RAB11A: variants seen among roughly 807,000 people sequenced by gnomAD.
The protein encoded by RAB11A is ras-related protein Rab-11A.
RAB11A carries 9 observed loss-of-function variants against 28.0 expected under a neutral mutation model. That is an observed-to-expected ratio of 0.32 (90% CI 0.19 to 0.56). The LOEUF is 0.56. RAB11A is among the 20% of genes least tolerant of loss of function. The pLI is 0.91. For missense variants in RAB11A, 108 were observed against 269.6 expected, an observed-to-expected ratio of 0.40 and a Z score of 4.20; for synonymous variants, 85 against 88.2, an observed-to-expected ratio of 0.96 and a Z score of 0.20.
intron 3 of RAB11A, 135 bp from the exon 4 acceptor site, chr15:65,879,536 G>T: frequency 3.4e-6 from 2 of 586,172 alleles, no homozygotes; most frequent in Non-Finnish European, 6.0e-6. Context: ...AAACAGAATG[G>T]TGCCCTTACT....
chr15:65,870,251 T>C (rs910036223), intron 1 of RAB11A, among the ~76,000 whole-genome samples: 1 of 152,180 alleles, frequency 6.6e-6, no homozygotes, highest in African/African-American at 2.4e-5. Context: ...CCCGCGGTTC[T>C]CGCGGTCCTT....
At position 65,888,107 on chromosome 15, in the gene RAB11A, G is replaced by T; in HGVS notation, c.*267G>T. On this transcript the variant is annotated 3_prime_UTR_variant, in exon 5 of 5. Coordinates refer to ENST00000261890, the MANE Select transcript of RAB11A (RefSeq NM_004663.5). ...TCAGTTATTGTTTACTTTTCATCAT[G>T]GAAGCCTGTCACTGTATGTAGGACA... 3.1e-6 allele frequency: 1 copy of T among 321,150 alleles called. No individual in the cohort carries two copies. Among genetic ancestry groups the T allele is most frequent in the South Asian group, 7.0e-5 (1 of 14,262 alleles). The allele number at this position is 321,150 out of a possible 1,614,324, so 19.9% of individuals were successfully genotyped here. A position where few individuals can be genotyped will look rare whatever the true frequency, so the allele number is the denominator to read the frequency against.
At chr15:65,876,818 A>G (rs1206435397) in intron 1 of RAB11A, among the ~76,000 whole-genome samples, 2 of 152,218 alleles carry the variant, frequency 1.3e-5, no homozygotes, top group Non-Finnish European at 2.9e-5. Flanking sequence ...CCTAGGTCTC[A>G]GTCCTGAGGT....
intron 4 of RAB11A, among the ~76,000 whole-genome samples, chr15:65,883,580 T>C (rs1168150427): frequency 6.6e-6 from 1 of 152,216 alleles, no homozygotes; most frequent in Non-Finnish European, 1.5e-5. Flanking sequence ...GATATCTTTT[T>C]AGCATGAACA....
Position 65,888,100 on chromosome 15 carries a change from T to C in RAB11A, c.*260T>C. The C allele has an allele frequency of 2.9e-6, 1 of 348,872 alleles. No individual in the cohort carries two copies. Among genetic ancestry groups the C allele is most frequent in the Non-Finnish European group, 5.1e-6 (1 of 195,734 alleles). 21.6% of individuals were successfully genotyped at this position (348,872 alleles called of 1,614,324 possible). ...GGATTCCTCAGTTATTGTTTACTTT[T>C]CATCATGGAAGCCTGTCACTGTATG... On this transcript the variant is annotated 3_prime_UTR_variant, in exon 5 of 5. Transcript: ENST00000261890.
At position 65,890,877 on chromosome 15, in the gene RAB11A, T is replaced by A. The variant is rs2078289014; in HGVS notation, c.*3037T>A. 1 of 152,114 alleles carries A rather than the reference T, an allele frequency of 6.6e-6. No individual in the cohort carries two copies. The highest frequency in any genetic ancestry group is 2.4e-5 in the African/African-American group (1 of 41,414). The allele number at this position is 152,114 out of a possible 1,614,324, so 9.4% of individuals were successfully genotyped here. A position where few individuals can be genotyped will look rare whatever the true frequency, so the allele number is the denominator to read the frequency against. ...GGCTTGGTTTAACAGAGGAAAAAAA[T>A]ATAAATTGATTTTCTGATGTCTCAC... On this transcript the variant is annotated 3_prime_UTR_variant, in exon 5 of 5. Transcript: ENST00000261890.
chr15:65,881,888 A>C (rs997817876), intron 4 of RAB11A, among the ~76,000 whole-genome samples: 4 of 150,946 alleles, frequency 2.6e-5, no homozygotes, highest in Non-Finnish European at 5.9e-5. Flanking sequence ...AAAAAAAAAA[A>C]AAAAAAAAAA....
chr15:65,885,555 G>A (rs1178853054), intron 4 of RAB11A, among the ~76,000 whole-genome samples: 2 of 152,114 alleles, frequency 1.3e-5, no homozygotes, highest in Admixed American at 6.5e-5. Flanking sequence ...AGGAGCCAAG[G>A]GAAGTGTCCC....
chr15:65,891,618 T>G lies in RAB11A; in HGVS notation c.*3778T>G, dbSNP rs2078297280. ...GTAATTCTCTGAATGAACTCTCTCT[T>G]CAATTAAAGCCAAATTATTAACATT... On this transcript the variant is annotated 3_prime_UTR_variant, in exon 5 of 5. Coordinates refer to ENST00000261890, the MANE Select transcript of RAB11A (RefSeq NM_004663.5). 1 of 152,224 alleles carries G rather than the reference T, an allele frequency of 6.6e-6. No homozygotes were observed. The highest frequency in any genetic ancestry group is 2.4e-5 in the African/African-American group (1 of 41,454). The allele number at this position is 152,224 out of a possible 1,614,324, so 9.4% of individuals were successfully genotyped here. A position where few individuals can be genotyped will look rare whatever the true frequency, so the allele number is the denominator to read the frequency against.
rs1211828250 is a variant in RAB11A, at chr15:65,879,530, A to G, written c.431-141A>G. 5.4e-6 allele frequency: 3 copies of G among 558,066 alleles called. No individual in the cohort carries two copies. The Admixed American group carries it at 9.6e-5, about 18-fold the overall frequency. 34.6% of individuals were successfully genotyped at this position (558,066 alleles called of 1,614,324 possible). A position where few individuals can be genotyped will look rare whatever the true frequency, so the allele number is the denominator to read the frequency against. ...GTAAGTAAATAAATAAAGTGTAAAC[A>G]GAATGGTGCCCTTACTGTCCCAGAA... is the stretch of plus-strand genomic sequence containing the variant. On this transcript the variant is annotated intron_variant, in intron 3 of 4. Transcript: ENST00000261890.
intron 4 of RAB11A, among the ~76,000 whole-genome samples, chr15:65,881,284 G>C (rs777508403): frequency 6.6e-6 from 1 of 152,076 alleles, no homozygotes; most frequent in Non-Finnish European, 1.5e-5. Flanking sequence ...ATAGCCATTT[G>C]TGTACATTTT....
In RAB11A at chr15:65,890,406, G is replaced by A. The variant is rs973350998; in HGVS notation, c.*2566G>A. On this transcript the variant is annotated 3_prime_UTR_variant, in exon 5 of 5. Transcript: ENST00000261890. Reference sequence around the variant, plus strand: ...ATAGTCTCCTGAATAGTTAGCCATGGTGCCTTGATTTAATCTTATGTCATT... The same window carrying A: ...ATAGTCTCCTGAATAGTTAGCCATGATGCCTTGATTTAATCTTATGTCATT... 2.6e-5 allele frequency: 4 copies of A among 151,970 alleles called. No individual in the cohort carries two copies. The highest frequency in any genetic ancestry group is 5.9e-5 in the Non-Finnish European group (4 of 68,012). The allele number at this position is 151,970 out of a possible 1,614,324, so 9.4% of individuals were successfully genotyped here.
chr15:65,869,734 CCCTT>C (rs1421066137), intron 1 of RAB11A, 109 bp downstream of exon 1: 2 of 1,192,468 alleles, frequency 1.7e-6, no homozygotes, highest in Middle Eastern at 2.1e-4. Context: ...CCTCCCTCAG[CCCTT>C]CCTTTTTGTG....
chr15:65,874,706 C>T (rs1203389821), intron 1 of RAB11A, among the ~76,000 whole-genome samples: 1 of 151,838 alleles, frequency 6.6e-6, no homozygotes, highest in Non-Finnish European at 1.5e-5. Flanking sequence ...TGAACATAAT[C>T]ATTAGTTAAA....
intron 1 of RAB11A, among the ~76,000 whole-genome samples, chr15:65,873,296 C>G (rs1303074448): frequency 1.3e-5 from 2 of 152,124 alleles, no homozygotes; most frequent in Non-Finnish European, 2.9e-5. Context: ...AGACACCAAT[C>G]CACAGTTAGA....
At chr15:65,873,682 T>C in intron 1 of RAB11A, among the ~76,000 whole-genome samples, 1 of 151,854 alleles carries the variant, frequency 6.6e-6, no homozygotes, top group Non-Finnish European at 1.5e-5. Context: ...GCCTCCCAAG[T>C]AGCTGCAACT....
intron 4 of RAB11A, among the ~76,000 whole-genome samples, chr15:65,887,028 T>G (rs1364788769): frequency 6.6e-6 from 1 of 152,150 alleles, no homozygotes; most frequent in Non-Finnish European, 1.5e-5. Context: ...ATAGTGCAAA[T>G]TTATTTATTT....
Position 65,890,527 on chromosome 15 carries a change from C to CT in RAB11A, c.*2688dup, listed in dbSNP as rs2078285639. ...TTGTAATTATAAGAAGAGGTGCCAGCTAGTGACCTTACATCAGTGATCTTT... is the reference window on the plus strand; with the variant it reads ...TTGTAATTATAAGAAGAGGTGCCAGCTTAGTGACCTTACATCAGTGATCTTT... On this transcript the variant is annotated 3_prime_UTR_variant, in exon 5 of 5. Transcript: ENST00000261890. 1 of 152,164 alleles carries CT rather than the reference C, an allele frequency of 6.6e-6. No homozygotes were observed. The highest frequency in any genetic ancestry group is 1.5e-5 in the Non-Finnish European group (1 of 68,024). The allele number at this position is 152,164 out of a possible 1,614,324, so 9.4% of individuals were successfully genotyped here. A position where few individuals can be genotyped will look rare whatever the true frequency, so the allele number is the denominator to read the frequency against.
chr15:65,882,606 T>A (rs2078229525), intron 4 of RAB11A, among the ~76,000 whole-genome samples: 1 of 152,152 alleles, frequency 6.6e-6, no homozygotes, highest in Non-Finnish European at 1.5e-5. Context: ...AAATTATATA[T>A]CAGAAAATTT....
Sources: allele counts gnomAD v4.1 joint callset (sites outside exome capture counted in the v4.1 genomes callset), GRCh38; gene constraint gnomAD v4.1.1; transcripts MANE v1.5; gene names NCBI Gene and HGNC (gene_info 2026-07-23, HGNC 2026-07-21).